CASC3: variants seen among roughly 807,000 people sequenced by gnomAD.
CASC3 encodes the protein CASC3 exon junction complex subunit, also known as protein CASC3.
CASC3 carries 30 observed loss-of-function variants against 80.5 expected under a neutral mutation model. The observed-to-expected ratio is 0.37, with a 90% CI of 0.28 to 0.51. CASC3 has a LOEUF of 0.51. Ranked by LOEUF, CASC3 falls within the 20% of genes least tolerant of loss-of-function variation. The pLI is 0.94. For synonymous variants in CASC3, 312 were observed against 333.6 expected (o/e 0.94, Z 0.70); for missense variants, 824 against 922.2 (o/e 0.89, Z 1.38).
chr17:40,156,620 C>T (rs956856852), intron 3 of CASC3, among the ~76,000 whole-genome samples: 8 of 151,560 alleles, frequency 5.3e-5, no homozygotes, highest in African/African-American at 1.9e-4. Flanking sequence ...ACCCGGGAGG[C>T]GGAGCTTGCA....
rs1055579451 is a variant in CASC3, at chr17:40,141,756, C to T, written c.297+149C>T. 8.0e-6 allele frequency: 6 copies of T among 747,742 alleles called. No homozygotes were observed. In the East Asian group the frequency reaches 1.5e-4, roughly 18 times the overall value. The allele number at this position is 747,742 out of a possible 1,614,324, so 46.3% of individuals were successfully genotyped here. A position where few individuals can be genotyped will look rare whatever the true frequency, so the allele number is the denominator to read the frequency against. On this transcript the variant is annotated intron_variant, in intron 3 of 13. Transcript: ENST00000264645. ...CTTCTGAAAAAGTGTTACAGAAGGT[C>T]TTGTTCACTTTAGACCTAGGGAAAA...
At chr17:40,151,519 C>T (rs1989007306) in intron 3 of CASC3, among the ~76,000 whole-genome samples, 1 of 151,674 alleles carries the variant, frequency 6.6e-6, no homozygotes, top group African/African-American at 2.4e-5. Flanking sequence ...GCCCGTAAGA[C>T]CTTATCTCTA....
At chr17:40,158,075 A>G (rs550586727) in intron 3 of CASC3, among the ~76,000 whole-genome samples, 10 of 152,320 alleles carry the variant, frequency 6.6e-5, no homozygotes, top group African/African-American at 2.2e-4. Flanking sequence ...AAATTTGCGT[A>G]GAAGTGGACC....
At position 40,168,379 on chromosome 17, in the gene CASC3, C is replaced by T. The variant is rs374662365; in HGVS notation, c.1927C>T (p.Pro643Ser). The part of the protein sequence containing the change: ...PSYPYAPGAL[P>S]PPPPPHLYPN... Reference sequence around the variant, plus strand: ...TTACCCTTATGCTCCAGGGGCACTGCCTCCCCCACCACCGCCTCATCTGTA... The same window carrying T: ...TTACCCTTATGCTCCAGGGGCACTGTCTCCCCCACCACCGCCTCATCTGTA... Residue 643 changes from proline to serine, a missense_variant, in exon 11 of 14, where the codon CCT becomes TCT. Pro to Ser is a moderately conservative substitution (Grantham distance 74). Transcript: ENST00000264645. The T allele has an allele frequency of 1.2e-6, 2 of 1,614,046 alleles. No homozygotes were observed. Among genetic ancestry groups the T allele is most frequent in the Non-Finnish European group, 1.7e-6 (2 of 1,179,988 alleles).
At chr17:40,142,612 G>A (rs967205788) in intron 3 of CASC3, among the ~76,000 whole-genome samples, 4 of 152,164 alleles carry the variant, frequency 2.6e-5, no homozygotes, top group Admixed American at 6.6e-5. Context: ...TCTCTGGCCC[G>A]GCGCGGTGGC....
In CASC3 at chr17:40,170,614, C is replaced by T. The variant is rs983707251; in HGVS notation, c.*209C>T. 25 of 985,448 alleles carry T rather than the reference C, an allele frequency of 2.5e-5. No homozygotes were observed. The highest frequency in any genetic ancestry group is 5.2e-4 in the Middle Eastern group (1 of 1,936). 61.0% of individuals were successfully genotyped at this position (985,448 alleles called of 1,614,324 possible). ...AGAGGGAGAAACAAGTGGACCTCGTCCCATCTTCACTCTTCACTTGAGTTG... is the reference window on the plus strand; with the variant it reads ...AGAGGGAGAAACAAGTGGACCTCGTTCCATCTTCACTCTTCACTTGAGTTG... On this transcript the variant is annotated 3_prime_UTR_variant, in exon 14 of 14. Coordinates refer to ENST00000264645, the MANE Select transcript of CASC3 (RefSeq NM_007359.5).
intron 3 of CASC3, among the ~76,000 whole-genome samples, chr17:40,144,345 CTTTT>C (rs760229885): frequency 7.0e-6 from 1 of 142,758 alleles, no homozygotes; most frequent in Non-Finnish European, 1.5e-5. Flanking sequence ...CTTTCTTTTT[CTTTT>C]TTTTTTTTTG....
Position 40,167,501 on chromosome 17 carries a change from G to A in CASC3, c.1540G>A (p.Val514Ile). 1 of 1,613,134 alleles carries A rather than the reference G, an allele frequency of 6.2e-7. No individual in the cohort carries two copies. Among genetic ancestry groups the A allele is most frequent in the East Asian group, 2.2e-5 (1 of 44,880 alleles). ...TAGGCCTCTTTCTTTGTCTCAGGGT[G>A]TCCAGGGTGGTCGAGCCAAACGCTA... ...PQFNRMEEMG[V>I]QGGRAKRYSS... The change falls in exon 9 of 14, where the codon GTC (valine) becomes ATC (isoleucine). Residue 514 changes from valine to isoleucine, a missense_variant. Physicochemically the swap from Val to Ile is conservative, Grantham distance 29 (BLOSUM62 3). Around this residue, in one of 3 missense-constraint regions of CASC3, gnomAD observed 464 missense variants for 506.0 expected, o/e 0.92. Transcript: ENST00000264645.
chr17:40,152,549 G>A (rs1160819881), intron 3 of CASC3, among the ~76,000 whole-genome samples: 1 of 151,968 alleles, frequency 6.6e-6, no homozygotes, highest in Non-Finnish European at 1.5e-5. Flanking sequence ...TCGAGCTCCC[G>A]ACCTCAGGTG....
chr17:40,144,861 G>GTTT (rs1332614739), intron 3 of CASC3, among the ~76,000 whole-genome samples: 5 of 132,458 alleles, frequency 3.8e-5, no homozygotes, highest in Admixed American at 7.6e-5. Flanking sequence ...AAAAAATTAA[G>GTTT]TTTTTTTTTT....
intron 3 of CASC3, among the ~76,000 whole-genome samples, chr17:40,153,653 A>T (rs902156111): frequency 2.0e-5 from 3 of 152,018 alleles, no homozygotes; most frequent in Non-Finnish European, 4.4e-5. Context: ...TATATCCTTA[A>T]CAGCACTTGT....
intron 6 of CASC3, 36 bp from the exon 7 acceptor site, chr17:40,163,445 A>G (rs764412555): frequency 1.2e-5 from 19 of 1,563,950 alleles, no homozygotes; most frequent in Admixed American, 1.8e-5. Context: ...TCCTTTTGTT[A>G]ATTTCCTAAC....
chr17:40,155,032 G>A (rs961674643), intron 3 of CASC3, among the ~76,000 whole-genome samples: 3 of 151,850 alleles, frequency 2.0e-5, no homozygotes, highest in Admixed American at 6.6e-5. Context: ...TGGGACTACA[G>A]GCACCCGCCA....
chr17:40,171,700 C>G lies in CASC3; in HGVS notation c.*1295C>G. ...GGAAGAGATTCCTATTACTGCAGTA[C>G]ATACGTCTGCCAGGGGTAACCTGGC... On this transcript the variant is annotated 3_prime_UTR_variant, in exon 14 of 14. Transcript: ENST00000264645. 1 of 1,108,676 alleles carries G rather than the reference C, an allele frequency of 9.0e-7. No individual in the cohort carries two copies. The highest frequency in any genetic ancestry group is 1.1e-6 in the Non-Finnish European group (1 of 901,028). 68.7% of individuals were successfully genotyped at this position (1,108,676 alleles called of 1,614,324 possible).
rs1488302143 is a variant in CASC3 at position 40,167,483 on chromosome 17, C to G, written c.1537-15C>G. ...TCTAGAATTCTTATTGTTTAGGCCTCTTTCTTTGTCTCAGGGTGTCCAGGG... is the reference window on the plus strand; with the variant it reads ...TCTAGAATTCTTATTGTTTAGGCCTGTTTCTTTGTCTCAGGGTGTCCAGGG... On this transcript the variant is annotated splice_polypyrimidine_tract_variant and intron_variant, in intron 8 of 13. Transcript: ENST00000264645. The G allele has an allele frequency of 6.2e-7, 1 of 1,604,018 alleles. No individual in the cohort carries two copies. The highest frequency in any genetic ancestry group is 8.5e-7 in the Non-Finnish European group (1 of 1,171,142).
At chr17:40,143,967 A>C (rs1988788237) in intron 3 of CASC3, among the ~76,000 whole-genome samples, 1 of 151,990 alleles carries the variant, frequency 6.6e-6, no homozygotes, top group Admixed American at 6.6e-5. Context: ...AAAATATCTC[A>C]TGGGCCGGGC....
intron 1 of CASC3, 62 bp from the exon 2 acceptor site, chr17:40,141,145 T>G: frequency 6.7e-7 from 1 of 1,492,558 alleles, no homozygotes; most frequent in Non-Finnish European, 9.3e-7. Flanking sequence ...CCCACATTTC[T>G]TTATTGGGCT....
At chr17:40,141,451 T>C in intron 2 of CASC3, 119 bp from the exon 3 acceptor site, 1 of 943,566 alleles carries the variant, frequency 1.1e-6, no homozygotes, top group Non-Finnish European at 1.7e-6. Flanking sequence ...GGGACTATAA[T>C]TTTATCCACG....
In CASC3 at chr17:40,169,434, C is replaced by T. The variant is rs1989537250; in HGVS notation, c.2076C>T (p.Pro692=). 6.2e-7 allele frequency: 1 copy of T among 1,609,204 alleles called. No homozygotes were observed. Among genetic ancestry groups the T allele is most frequent in the Non-Finnish European group, 8.5e-7 (1 of 1,178,156 alleles). The change falls in exon 12 of 14, where the codon CCC becomes CCT. Residue 692 remains proline (P), a synonymous_variant. Transcript: ENST00000264645. ...CTCCCCAGCCAGTCACCATCAAGCC[C>T]CCTCCACCTGAGGTATGAGAGTTCC... ...RRTPQPVTIK[P]PPPEVVSRGS...
Sources: allele counts gnomAD v4.1 joint callset (sites outside exome capture counted in the v4.1 genomes callset), GRCh38; gene constraint gnomAD v4.1.1; regional missense constraint gnomAD v4.1.1; transcripts MANE v1.5; gene names NCBI Gene and HGNC (gene_info 2026-07-23, HGNC 2026-07-21).